The following ERO1B variants were observed in gnomAD, a reference collection of about 807,000 sequenced individuals.
The protein encoded by ERO1B is ERO1-like protein beta.
In ERO1B, 49 loss-of-function variants were observed where a neutral mutation model predicts 75.3. The observed-to-expected ratio is 0.65, with a 90% CI of 0.52 to 0.83. The LOEUF (loss-of-function observed/expected upper bound fraction) is 0.83, where lower values mean the gene tolerates loss of function less well. ERO1B is among the 40% of genes least tolerant of loss of function. The pLI, the probability that ERO1B is intolerant of heterozygous loss-of-function variation, is 0.00. For synonymous variants in ERO1B, 191 were observed against 192.9 expected (o/e 0.99, Z 0.08); for missense variants, 512 against 560.1 (o/e 0.91, Z 0.87).
chr1:236,217,178 T>C lies in ERO1B; in HGVS notation c.*1338A>G, dbSNP rs1664010093. On this transcript the variant is annotated 3_prime_UTR_variant, in exon 16 of 16. Transcript: ENST00000354619. The stretch of plus-strand genomic sequence containing the variant: ...TAAAATATGGATTTAAGAGCACTTA[T>C]TCTTTAATTCAGAAAAGACTAAAGA... The C allele has an allele frequency of 1.3e-5, 2 of 152,116 alleles. No homozygotes were observed. Among genetic ancestry groups the C allele is most frequent in the African/African-American group, 4.8e-5 (2 of 41,444 alleles). The allele number at this position is 152,116 out of a possible 1,614,324, so 9.4% of individuals were successfully genotyped here.
intron 1 of ERO1B, among the ~76,000 whole-genome samples, chr1:236,273,114 T>C (rs1205009366): frequency 1.3e-5 from 2 of 152,178 alleles, no homozygotes; most frequent in Non-Finnish European, 2.9e-5. Flanking sequence ...GGAAGGGGTA[T>C]ACTGGATTAT....
intron 10 of ERO1B, among the ~76,000 whole-genome samples, chr1:236,227,780 C>G (rs1438106501): frequency 6.6e-6 from 1 of 152,116 alleles, no homozygotes. Context: ...ACAGATGATT[C>G]TGAAGCACGT....
At chr1:236,267,026 G>C (rs977865135) in intron 2 of ERO1B, among the ~76,000 whole-genome samples, 6 of 152,152 alleles carry the variant, frequency 3.9e-5, no homozygotes, top group African/African-American at 1.2e-4. Flanking sequence ...ATTTCCCTTT[G>C]GGAAACAATG....
At chr1:236,275,424 A>T (rs1344943870) in intron 1 of ERO1B, among the ~76,000 whole-genome samples, 1 of 152,242 alleles carries the variant, frequency 6.6e-6, no homozygotes, top group Non-Finnish European at 1.5e-5. Flanking sequence ...ACTCAGTAAT[A>T]ACCAAATGGA....
intron 2 of ERO1B, among the ~76,000 whole-genome samples, chr1:236,257,944 C>T (rs746357626): frequency 4.0e-5 from 6 of 150,392 alleles, no homozygotes; most frequent in African/African-American, 1.2e-4. Context: ...TACCACCAAG[C>T]AGAATTACAC....
chr1:236,254,102 A>G (rs751166670), intron 2 of ERO1B, among the ~76,000 whole-genome samples: 3 of 152,190 alleles, frequency 2.0e-5, no homozygotes, highest in Non-Finnish European at 2.9e-5. Flanking sequence ...CTGACGTTTA[A>G]TGTAGAAGGG....
chr1:236,260,092 T>TA (rs2102960772), intron 2 of ERO1B, among the ~76,000 whole-genome samples: 1 of 139,670 alleles, frequency 7.2e-6, no homozygotes, highest in Non-Finnish European at 1.6e-5. Flanking sequence ...AGTTTTTTTT[T>TA]AAAGATAAAC....
intron 7 of ERO1B, 60 bp downstream of exon 7, chr1:236,236,218 C>G: frequency 6.2e-7 from 1 of 1,602,786 alleles, no homozygotes; most frequent in Non-Finnish European, 8.5e-7. Flanking sequence ...TGAGCCACAG[C>G]ACCCGGCCTC....
chr1:236,237,420 T>C (rs1352308935), intron 6 of ERO1B, among the ~76,000 whole-genome samples: 1 of 152,148 alleles, frequency 6.6e-6, no homozygotes, highest in Non-Finnish European at 1.5e-5. Flanking sequence ...CGGCCCTATT[T>C]GGACATTTTA....
intron 4 of ERO1B, chr1:236,251,338 T>C (rs1478917667): frequency 1.7e-5 from 3 of 175,030 alleles, no homozygotes; most frequent in Non-Finnish European, 2.2e-5. Context: ...TTCAGAAAAA[T>C]GGTTAGCTCT....
intron 2 of ERO1B, among the ~76,000 whole-genome samples, chr1:236,260,292 G>A (rs890986676): frequency 6.6e-6 from 1 of 152,184 alleles, no homozygotes; most frequent in East Asian, 1.9e-4. Context: ...AAAAGCTGGA[G>A]TAAGGAAGTC....
intron 2 of ERO1B, among the ~76,000 whole-genome samples, chr1:236,263,409 T>A (rs1249714099): frequency 6.6e-6 from 1 of 151,904 alleles, no homozygotes; most frequent in Non-Finnish European, 1.5e-5. Flanking sequence ...CCACCACGCC[T>A]GGCTAATTTT....
At chr1:236,229,270 C>G in intron 10 of ERO1B, among the ~76,000 whole-genome samples, 1 of 151,840 alleles carries the variant, frequency 6.6e-6, no homozygotes, top group Non-Finnish European at 1.5e-5. Context: ...ACTAAAAATA[C>G]AAAAATTAGC....
At position 236,262,685 on chromosome 1, in the gene ERO1B, G is replaced by A. The variant is rs573835560; in HGVS notation, c.222+7190C>T. Among the ~76,000 whole-genome samples the A allele has an allele frequency of 1.5e-3, 230 of 152,224 alleles. 5 individuals are homozygous for A. The highest frequency in any genetic ancestry group is 0.014 in the Admixed American group (215 of 15,292). ...CTCCCAAAGTGCTGGGATTACGAGC[G>A]TGAGCCACCATGCCCAGCCCTGCTG... On this transcript the variant is annotated intron_variant, in intron 2 of 15. Transcript: ENST00000354619.
chr1:236,258,162 A>AAAAAAAT, intron 2 of ERO1B, among the ~76,000 whole-genome samples: 1 of 136,298 alleles, frequency 7.3e-6, no homozygotes, highest in East Asian at 2.2e-4. Flanking sequence ...AAAAAAAAAA[A>AAAAAAAT]ACCCAGCCAG....
chr1:236,239,883 G>GTATATATA (rs1664651898), intron 6 of ERO1B, among the ~76,000 whole-genome samples: 2 of 106,656 alleles, frequency 1.9e-5, no homozygotes, highest in Non-Finnish European at 3.9e-5. Context: ...GTATATGTGT[G>GTATATATA]TGTGTGTGTA....
At chr1:236,263,000 C>T (rs1169735208) in intron 2 of ERO1B, among the ~76,000 whole-genome samples, 2 of 152,066 alleles carry the variant, frequency 1.3e-5, no homozygotes, top group East Asian at 1.9e-4. Flanking sequence ...ACGACTAACT[C>T]GGAAGGGTTA....
At chr1:236,220,434 G>C (rs1180654395) in intron 15 of ERO1B, 1 of 152,216 alleles carries the variant, frequency 6.6e-6, no homozygotes, top group Admixed American at 6.6e-5. Flanking sequence ...GCAGGAAAAA[G>C]GTGAGAAAAG....
At chr1:236,229,994 T>C (rs1487317042) in intron 10 of ERO1B, among the ~76,000 whole-genome samples, 1 of 152,202 alleles carries the variant, frequency 6.6e-6, no homozygotes, top group African/African-American at 2.4e-5. Context: ...TATGAAAACC[T>C]GATGACAGTA....
Sources: allele counts gnomAD v4.1 joint callset (sites outside exome capture counted in the v4.1 genomes callset), GRCh38; gene constraint gnomAD v4.1.1; transcripts MANE v1.5; gene names NCBI Gene and HGNC (gene_info 2026-07-23, HGNC 2026-07-21).